The following UNC80 variants were observed in gnomAD, a reference collection of about 807,000 sequenced individuals.
UNC80 encodes the protein unc-80 subunit of NALCN channel complex.
UNC80 carries 164 observed loss-of-function variants against 384.6 expected under a neutral mutation model. The observed-to-expected ratio is 0.43, with a 90% CI of 0.38 to 0.49. UNC80 has a LOEUF of 0.49. UNC80 is among the 20% of genes least tolerant of loss of function. UNC80 has a pLI of 0.00. For missense variants in UNC80, 3,330 were observed against 4,143.0 expected (o/e 0.80, Z 5.39); for synonymous variants, 1,486 against 1,527.8 (o/e 0.97, Z 0.64).
At chr2:209,992,843 C>G (rs1206643047) in intron 62 of UNC80, among the ~76,000 whole-genome samples, 1 of 152,176 alleles carries the variant, frequency 6.6e-6, no homozygotes, top group Admixed American at 6.5e-5. Flanking sequence ...AGGTGGAGTT[C>G]TTTTACATTA....
intron 29 of UNC80, among the ~76,000 whole-genome samples, chr2:209,906,294 A>G (rs2088201943): frequency 2.0e-5 from 3 of 152,220 alleles, no homozygotes; most frequent in Admixed American, 2.0e-4. Context: ...ATGTTCATTG[A>G]AGAAATTTTT....
chr2:209,871,707 A>G (rs2124880925), intron 22 of UNC80, among the ~76,000 whole-genome samples: 1 of 151,972 alleles, frequency 6.6e-6, no homozygotes, highest in South Asian at 2.1e-4. Flanking sequence ...AAAACTTCTC[A>G]TTACTTCTTT....
Position 209,917,815 on chromosome 2 carries a change from G to A in UNC80, c.5068G>A (p.Ala1690Thr), listed in dbSNP as rs2089680777. ...GCTGTGTGCAGTGAAGGTGCCTGAGGCCGTGTCCGACATGCTGATGTCAGA... is the reference window on the plus strand; with the variant it reads ...GCTGTGTGCAGTGAAGGTGCCTGAGACCGTGTCCGACATGCTGATGTCAGA... ...FLLCAVKVPEAVSDMLMSEFH... is the reference protein window; with the variant it reads ...FLLCAVKVPETVSDMLMSEFH... The change falls in exon 32 of 65, where the codon GCC becomes ACC. Residue 1690 changes from alanine to threonine, a missense_variant. Around this residue, in one of 8 missense-constraint regions of UNC80, gnomAD observed 801 missense variants for 950.8 expected, o/e 0.84. Transcript: ENST00000673920. 1.3e-6 allele frequency: 2 copies of A among 1,552,112 alleles called. No homozygotes were observed. The highest frequency in any genetic ancestry group is 1.7e-6 in the Non-Finnish European group (2 of 1,147,058).
chr2:209,915,565 C>T (rs540317752), intron 31 of UNC80, among the ~76,000 whole-genome samples: 39 of 152,152 alleles, frequency 2.6e-4, no homozygotes, highest in Middle Eastern at 3.4e-3. Context: ...AGCTTGTAAC[C>T]GACTTTGAAT....
intron 13 of UNC80, among the ~76,000 whole-genome samples, 169 bp from the exon 14 acceptor site, chr2:209,825,738 T>G (rs1367084757): frequency 6.6e-6 from 1 of 152,188 alleles, no homozygotes; most frequent in Non-Finnish European, 1.5e-5. Flanking sequence ...AGACTAAATT[T>G]TAGAAAACTG....
intron 51 of UNC80, among the ~76,000 whole-genome samples, chr2:209,961,607 ATAT>A (rs2092592772): frequency 6.6e-6 from 1 of 152,220 alleles, no homozygotes; most frequent in African/African-American, 2.4e-5. Flanking sequence ...ATCATATTAG[ATAT>A]TATTCATGAA....
At chr2:209,993,489 A>G in intron 63 of UNC80, 63 bp downstream of exon 63, 2 of 1,441,572 alleles carry the variant, frequency 1.4e-6, no homozygotes, top group Non-Finnish European at 1.9e-6. Context: ...CTCACCCAGG[A>G]AGGCTTACAA....
chr2:209,971,214 A>C (rs1019131427), intron 54 of UNC80, among the ~76,000 whole-genome samples: 3 of 152,186 alleles, frequency 2.0e-5, no homozygotes, highest in African/African-American at 7.2e-5. Context: ...CAGTCATTGA[A>C]AATGTGTGCA....
intron 45 of UNC80, 27 bp downstream of exon 45, chr2:209,943,541 A>G: frequency 6.5e-7 from 1 of 1,549,358 alleles, no homozygotes; most frequent in Non-Finnish European, 8.7e-7. Flanking sequence ...GGAAAAAAAA[A>G]TGAAGACCAA....
In UNC80 at chr2:209,839,517, AAAG is replaced by A; in HGVS notation, c.3250+92_3250+94del. 2.2e-6 allele frequency: 3 copies of A among 1,364,654 alleles called. No homozygotes were observed. The highest frequency in any genetic ancestry group is 2.0e-4 in the Middle Eastern group (1 of 4,990). The allele number at this position is 1,364,654 out of a possible 1,614,324, so 84.5% of individuals were successfully genotyped here. A position where few individuals can be genotyped will look rare whatever the true frequency, so the allele number is the denominator to read the frequency against. ...CTCAGTGATGCATAGTAGGGCCGAA[AAAG>A]AAGACCTTCAAGTCATAAGACCTAG... On this transcript the variant is annotated intron_variant, in intron 19 of 64. Coordinates refer to ENST00000673920, the MANE Select transcript of UNC80 (RefSeq NM_001371986.1). This position sits in a 1 kb window ranked among gnomAD's most constrained non-coding sequence, Gnocchi z 4.1.
chr2:209,993,998 C>A, intron 63 of UNC80, 67 bp from the exon 64 acceptor site: 2 of 1,366,910 alleles, frequency 1.5e-6, no homozygotes, highest in Non-Finnish European at 9.9e-7. Flanking sequence ...TTAATACCAA[C>A]TATTAAGCAT....
Position 209,957,633 on chromosome 2 carries a change from C to G in UNC80, c.7458-11C>G. On this transcript the variant is annotated splice_polypyrimidine_tract_variant and intron_variant, in intron 48 of 64. Coordinates refer to ENST00000673920, the MANE Select transcript of UNC80 (RefSeq NM_001371986.1). ...GTTGTTTTGCTGTGGTGATTACTGT[C>G]ATTGTTACAGGCCCATGACAGCCCC... 6.5e-7 allele frequency: 1 copy of G among 1,548,630 alleles called. No individual in the cohort carries two copies. Among genetic ancestry groups the G allele is most frequent in the Non-Finnish European group, 8.7e-7 (1 of 1,144,874 alleles).
chr2:209,861,798 T>C (rs1034094095), intron 22 of UNC80, among the ~76,000 whole-genome samples: 3 of 152,222 alleles, frequency 2.0e-5, no homozygotes, highest in African/African-American at 7.2e-5. Context: ...CTGTTTCTTC[T>C]AGATTTTCTA....
At chr2:209,822,175 C>A (rs1049410193) in intron 13 of UNC80, among the ~76,000 whole-genome samples, 3 of 152,130 alleles carry the variant, frequency 2.0e-5, no homozygotes, top group East Asian at 3.8e-4. Flanking sequence ...CTTTTCTATA[C>A]GATTTTCTTC....
Position 209,913,850 on chromosome 2 carries a change from C to A in UNC80, c.4939C>A (p.Pro1647Thr). Reference sequence around the variant, plus strand: ...CTTATCTCTGTTAATCAAGGCAGCACCAATTCTGACAGAGGAGATGTACGG... The same window carrying A: ...CTTATCTCTGTTAATCAAGGCAGCAACAATTCTGACAGAGGAGATGTACGG... The part of the protein sequence containing the change: ...APLSLLIKAA[P>T]ILTEEMYGDI... Residue 1647 changes from proline to threonine, a missense_variant, in exon 31 of 65, where the codon CCA (proline) becomes ACA (threonine). Coordinates refer to ENST00000673920, the MANE Select transcript of UNC80 (RefSeq NM_001371986.1). 6.4e-7 allele frequency: 1 copy of A among 1,551,464 alleles called. No individual in the cohort carries two copies.
chr2:209,946,700 GA>G (rs1335876773), intron 47 of UNC80, among the ~76,000 whole-genome samples: 4 of 152,168 alleles, frequency 2.6e-5, no homozygotes, highest in African/African-American at 9.7e-5. Context: ...CTCACATGAA[GA>G]ATGAGTCATC....
At chr2:209,890,507 G>A (rs1276682658) in intron 26 of UNC80, among the ~76,000 whole-genome samples, 2 of 152,106 alleles carry the variant, frequency 1.3e-5, no homozygotes, top group African/African-American at 2.4e-5. Flanking sequence ...CAATAACAAA[G>A]GTGTCACAAC....
At chr2:209,804,994 A>C (rs562753423) in intron 7 of UNC80, among the ~76,000 whole-genome samples, 1 of 152,192 alleles carries the variant, frequency 6.6e-6, no homozygotes, top group South Asian at 2.1e-4. Context: ...TTGATGTATT[A>C]TCAGAAGCCA....
chr2:209,940,727 G>C (rs112488611), intron 43 of UNC80, among the ~76,000 whole-genome samples: 36 of 152,256 alleles, frequency 2.4e-4, no homozygotes, highest in African/African-American at 7.7e-4. Flanking sequence ...TGAAGCATGA[G>C]AATCACATGA....
Sources: gnomAD v4.1 joint callset for allele counts (sites outside exome capture counted in the v4.1 genomes callset) on GRCh38, gnomAD v4.1.1 for gene constraint, gnomAD v4.1.1 regional missense constraint, Gnocchi (gnomAD v3.1) non-coding constraint, MANE v1.5 for transcripts, NCBI Gene and HGNC (gene_info 2026-07-23, HGNC 2026-07-21) for gene names.